The following CDCA3 variants were observed in gnomAD, a reference collection of about 807,000 sequenced individuals.
The protein encoded by CDCA3 is cell division cycle-associated protein 3.
In CDCA3, 16 loss-of-function variants were observed where a neutral mutation model predicts 29.1. The observed-to-expected ratio is 0.55, with a 90% CI of 0.37 to 0.83. The LOEUF (loss-of-function observed/expected upper bound fraction) is 0.83. Ranked by LOEUF, CDCA3 falls within the 40% of genes least tolerant of loss-of-function variation. The pLI is 0.00. For synonymous variants in CDCA3, 88 were observed against 124.5 expected, an observed-to-expected ratio of 0.71 and a Z score of 1.95; for missense variants, 291 against 327.2, an observed-to-expected ratio of 0.89 and a Z score of 0.85.
At chr12:6,845,421 G>T (rs539066724), downstream of CDCA3, 11 of 612,580 alleles carry the variant, frequency 1.8e-5, no homozygotes, top group Middle Eastern at 4.4e-4. Context: ...CTGGCACGTG[G>T]TATGTGTTGG....
At chr12:6,845,688 AGCATCATCTGCG>A, downstream of CDCA3, 1 of 1,613,984 alleles carries the variant, frequency 6.2e-7, no homozygotes, top group Non-Finnish European at 8.5e-7. Flanking sequence ...CTCCCACGAG[AGCATCATCTGCG>A]GCATCACGTC....
Position 6,849,498 on chromosome 12 carries a change from C to G in CDCA3, c.544+67G>C. On this transcript the variant is annotated intron_variant, in intron 4 of 5. Coordinates refer to ENST00000538862, the MANE Select transcript of CDCA3 (RefSeq NM_031299.7). The surrounding 1 kb of genome is among the most constrained non-coding windows in gnomAD (Gnocchi z 5.2). ...TTACAGTTTATTCCTCCCACACTCA[C>G]CCATGGACCTTATCCCAAAACATTA... The G allele has an allele frequency of 6.4e-7, 1 of 1,564,012 alleles. No homozygotes were observed. The highest frequency in any genetic ancestry group is 2.3e-5 in the East Asian group (1 of 44,424).
rs781885050 is a variant in CDCA3, at chr12:6,849,133, A to G, written c.717T>C (p.Thr239=). ...SELKEGAILG[T]GRLLKTGGRA... ...GTCCTCCAGTTTTCAGAAGTCGTCC[A>G]GTTCCAAGAATGGCTCCTTCCTTTA... The change falls in exon 6 of 6, where the codon ACT becomes ACC. Residue 239 remains threonine (T), a synonymous_variant. Transcript: ENST00000538862. This position sits in a 1 kb window ranked among gnomAD's most constrained non-coding sequence, Gnocchi z 5.2. 1 of 1,605,860 alleles carries G rather than the reference A, an allele frequency of 6.2e-7. No homozygotes were observed. The highest frequency in any genetic ancestry group is 8.5e-7 in the Non-Finnish European group (1 of 1,172,456).
rs369606193 is a variant in CDCA3, at chr12:6,849,191, C to T, written c.659G>A (p.Arg220Gln). ...AACATTTTCACTTAGGGGTGAAGGCCGCTTACCCTGAAAACGGCAGTGTAT... is the reference window on the plus strand; with the variant it reads ...AACATTTTCACTTAGGGGTGAAGGCTGCTTACCCTGAAAACGGCAGTGTAT... Reference protein sequence around the residue: ...PGTLTLRQGKRPSPLSENVSE... With the variant: ...PGTLTLRQGKQPSPLSENVSE... The change falls in exon 6 of 6, where the codon CGG becomes CAG. Residue 220 changes from arginine (R) to glutamine (Q), a missense_variant. Physicochemically the swap from Arg to Gln is conservative, Grantham distance 43. Transcript: ENST00000538862. The surrounding 1 kb of genome is among the most constrained non-coding windows in gnomAD (Gnocchi z 5.2). The T allele has an allele frequency of 7.4e-5, 120 of 1,614,142 alleles. No individual in the cohort carries two copies. The highest frequency in any genetic ancestry group is 6.0e-4 in the Admixed American group (36 of 60,014).
downstream of CDCA3, chr12:6,846,174 G>A (rs1307839366): frequency 3.9e-6 from 1 of 253,576 alleles, no homozygotes; most frequent in African/African-American, 2.2e-5. Flanking sequence ...GTGGCCCGAG[G>A]GCCCTGACTG....
Position 6,849,514 on chromosome 12 carries a change from C to CA in CDCA3, c.544+50dup. The CA allele has an allele frequency of 6.4e-7, 1 of 1,567,840 alleles. No individual in the cohort carries two copies. The highest frequency in any genetic ancestry group is 8.7e-7 in the Non-Finnish European group (1 of 1,154,726). On this transcript the variant is annotated intron_variant, in intron 4 of 5. Transcript: ENST00000538862. The surrounding 1 kb of genome is among the most constrained non-coding windows in gnomAD (Gnocchi z 5.2). ...CCACACTCACCCATGGACCTTATCC[C>CA]AAAACATTATCCTAGTTTATCTTCC...
At position 6,849,328 on chromosome 12, in the gene CDCA3, G is replaced by T; in HGVS notation, c.646C>A (p.Arg216=). The T allele has an allele frequency of 6.3e-7, 1 of 1,599,666 alleles. No homozygotes were observed. Residue 216 remains arginine, a synonymous_variant, in exon 5 of 6, where the codon CGA becomes AGA. Coordinates refer to ENST00000538862, the MANE Select transcript of CDCA3 (RefSeq NM_031299.7). The surrounding 1 kb of genome is among the most constrained non-coding windows in gnomAD (Gnocchi z 5.2). ...TGCACTTTCTCTTCCTTTACCTGTC[G>T]TAGTGTCAGGGTGCCAGGGGAGTTG... is the stretch of plus-strand genomic sequence containing the variant. ...DDNSPGTLTL[R]QGKRPSPLSE...
downstream of CDCA3, chr12:6,847,006 T>A: frequency 1.5e-6 from 1 of 686,042 alleles, no homozygotes; most frequent in Non-Finnish European, 2.6e-6. Flanking sequence ...CCATTCCCAC[T>A]AAGCTTTCTC....
Position 6,850,277 on chromosome 12 carries a change from C to G in CDCA3, c.250+190G>C. On this transcript the variant is annotated intron_variant, in intron 3 of 5. Coordinates refer to ENST00000538862, the MANE Select transcript of CDCA3 (RefSeq NM_031299.7). This position sits in a 1 kb window ranked among gnomAD's most constrained non-coding sequence, Gnocchi z 4.7. ...AAGCGATCTGACCACCCCGGCCTTC[C>G]AACGTGCTGGGATTACAGGCATGAG... The G allele has an allele frequency of 1.4e-6, 1 of 729,964 alleles. No homozygotes were observed. Among genetic ancestry groups the G allele is most frequent in the East Asian group, 2.8e-5 (1 of 36,290 alleles). The allele number at this position is 729,964 out of a possible 1,614,324, so 45.2% of individuals were successfully genotyped here.
rs782623630 is a variant in CDCA3, at chr12:6,850,923, T to C, written c.30A>G (p.Thr10=). Residue 10 remains threonine, a synonymous_variant, in exon 2 of 6, where the codon ACA becomes ACG. Transcript: ENST00000538862. The surrounding 1 kb of genome is among the most constrained non-coding windows in gnomAD (Gnocchi z 4.7). The part of the protein sequence containing the change: MGSAKSVPV[T]PARPPPHNKH... ...TGTTGTGCGGCGGAGGCCGCGCTGG[T>C]GTGACTGGGACGCTCTTGGCTGAGC... is the stretch of plus-strand genomic sequence containing the variant. 6 of 1,612,128 alleles carry C rather than the reference T, an allele frequency of 3.7e-6. No homozygotes were observed. Among genetic ancestry groups the C allele is most frequent in the African/African-American group, 1.3e-5 (1 of 74,932 alleles).
Position 6,850,991 on chromosome 12 carries a change from C to T in CDCA3, c.-39G>A, listed in dbSNP as rs781963937. 11 of 1,589,794 alleles carry T rather than the reference C, an allele frequency of 6.9e-6. 1 individual carries two copies. Among genetic ancestry groups the T allele is most frequent in the South Asian group, 5.6e-5 (5 of 88,980 alleles). ...TGCAGGGTGGGGGCAAGGGCCAGCC[C>T]GGGACGAGGAGGGAATGCCTGTGAG... On this transcript the variant is annotated 5_prime_UTR_variant, in exon 2 of 6. Transcript: ENST00000538862. The surrounding 1 kb of genome is among the most constrained non-coding windows in gnomAD (Gnocchi z 4.7).
downstream of CDCA3, among the ~76,000 whole-genome samples, chr12:6,847,780 T>G (rs1420840444): frequency 6.6e-6 from 1 of 152,180 alleles, no homozygotes; most frequent in Non-Finnish European, 1.5e-5. Flanking sequence ...GCTCCAGATC[T>G]TTCAGAAAGA....
chr12:6,846,891 G>A (rs5444), downstream of CDCA3: 1 of 1,573,090 alleles, frequency 6.4e-7, no homozygotes, highest in South Asian at 1.2e-5. Flanking sequence ...CTCAAAATCT[G>A]GAACTGAGGA....
At chr12:6,846,713 A>C (rs1327627737), downstream of CDCA3, 6 of 734,396 alleles carry the variant, frequency 8.2e-6, no homozygotes, top group Admixed American at 6.4e-5. Context: ...ACACACCCAC[A>C]CATACACTTA....
At chr12:6,844,926 G>A (rs1211035919), downstream of CDCA3, 2 of 152,124 alleles carry the variant, frequency 1.3e-5, no homozygotes, top group Non-Finnish European at 2.9e-5. Context: ...TTAAGATCAG[G>A]AAACTCAACA....
downstream of CDCA3, among the ~76,000 whole-genome samples, chr12:6,847,865 G>C (rs57602945): frequency 6.6e-6 from 1 of 152,144 alleles, no homozygotes; most frequent in African/African-American, 2.4e-5. Context: ...AGAAATGCAA[G>C]AGCGACAGGA....
chr12:6,849,956 G>T lies in CDCA3; in HGVS notation c.251-98C>A. 9.0e-7 allele frequency: 1 copy of T among 1,106,708 alleles called. No individual in the cohort carries two copies. Among genetic ancestry groups the T allele is most frequent in the Non-Finnish European group, 1.2e-6 (1 of 801,776 alleles). 68.6% of individuals were successfully genotyped at this position (1,106,708 alleles called of 1,614,324 possible). Reference sequence around the variant, plus strand: ...ACCCAGGACTCATGCCCAGGAGGGTGAGCAAGTGGGAAGAGAGAAATCAAG... The same window carrying T: ...ACCCAGGACTCATGCCCAGGAGGGTTAGCAAGTGGGAAGAGAGAAATCAAG... On this transcript the variant is annotated intron_variant, in intron 3 of 5. Coordinates refer to ENST00000538862, the MANE Select transcript of CDCA3 (RefSeq NM_031299.7). This position sits in a 1 kb window ranked among gnomAD's most constrained non-coding sequence, Gnocchi z 5.2.
downstream of CDCA3, chr12:6,847,032 G>A (rs1269138892): frequency 3.1e-6 from 2 of 635,982 alleles, no homozygotes; most frequent in Non-Finnish European, 5.7e-6. Flanking sequence ...AGGGCAGTGG[G>A]GAGCATGGGA....
chr12:6,849,807 T>C lies in CDCA3; in HGVS notation c.302A>G (p.Asp101Gly). 6.3e-7 allele frequency: 1 copy of C among 1,579,930 alleles called. No individual in the cohort carries two copies. The highest frequency in any genetic ancestry group is 8.6e-7 in the Non-Finnish European group (1 of 1,160,848). ...KQLSEVFETE[D>G]SKSNLPPEPV... The stretch of plus-strand genomic sequence containing the variant: ...CTCTGGGGGAAGATTTGATTTAGAG[T>C]CTTCAGTTTCAAATACTTCACTCAG... Residue 101 changes from aspartate (D) to glycine (G), a missense_variant, in exon 4 of 6, where the codon GAC becomes GGC. Transcript: ENST00000538862. This position sits in a 1 kb window ranked among gnomAD's most constrained non-coding sequence, Gnocchi z 5.2.
Sources: allele counts gnomAD v4.1 joint callset (sites outside exome capture counted in the v4.1 genomes callset), GRCh38; gene constraint gnomAD v4.1.1; non-coding constraint Gnocchi (gnomAD v3.1); transcripts MANE v1.5; gene names NCBI Gene and HGNC (gene_info 2026-07-23, HGNC 2026-07-21).